Variants in BRINP1 observed in about 807,000 individuals in gnomAD.
BRINP1 encodes BMP/retinoic acid inducible neural specific 1, also known as BMP/retinoic acid-inducible neural-specific protein 1.
In BRINP1, 17 loss-of-function variants were observed where a neutral mutation model predicts 72.9. That is an observed-to-expected ratio of 0.23 (90% CI 0.16 to 0.35). The LOEUF (loss-of-function observed/expected upper bound fraction) is 0.35. BRINP1 is among the 10% of genes least tolerant of loss of function. The pLI is 1.00. For missense variants in BRINP1, 850 were observed against 1,001.6 expected, an observed-to-expected ratio of 0.85 and a Z score of 2.04; for synonymous variants, 418 against 378.5, an observed-to-expected ratio of 1.10 and a Z score of -1.21.
rs981692960 is a variant in BRINP1 at position 119,286,651 on chromosome 9, A to G, written c.218+26487T>C. On this transcript the variant is annotated intron_variant, in intron 2 of 7. Transcript: ENST00000265922. Reference sequence around the variant, plus strand: ...ATGAAATTTTGATGTAGCTGTGTAGACATAGCTGTGTAGACAAGATAATTG... The same window carrying G: ...ATGAAATTTTGATGTAGCTGTGTAGGCATAGCTGTGTAGACAAGATAATTG... Among the ~76,000 whole-genome samples, 41 of 152,234 alleles carry G rather than the reference A, an allele frequency of 2.7e-4. 1 individual carries two copies. The highest frequency in any genetic ancestry group is 1.9e-4 in the Non-Finnish European group (13 of 68,046).
intron 2 of BRINP1, among the ~76,000 whole-genome samples, chr9:119,266,862 C>T (rs1313153818): frequency 6.6e-6 from 1 of 152,166 alleles, no homozygotes; most frequent in Non-Finnish European, 1.5e-5. Flanking sequence ...AGGAGGACTT[C>T]AGATTTTGTA....
At chr9:119,194,276 A>C (rs555381554) in intron 7 of BRINP1, among the ~76,000 whole-genome samples, 1 of 152,292 alleles carries the variant, frequency 6.6e-6, no homozygotes, top group Non-Finnish European at 1.5e-5. Context: ...ACAGCAATAT[A>C]TATTCAGAAC....
intron 7 of BRINP1, among the ~76,000 whole-genome samples, chr9:119,175,119 TAAAA>T (rs35857917): frequency 1.6e-5 from 1 of 62,674 alleles, no homozygotes; most frequent in Non-Finnish European, 3.7e-5. Context: ...AAGTAAAGTA[TAAAA>T]AAAAAAAAAG....
chr9:119,299,870 T>A (rs907316187), intron 2 of BRINP1, among the ~76,000 whole-genome samples: 1 of 152,154 alleles, frequency 6.6e-6, no homozygotes, highest in Non-Finnish European at 1.5e-5. Context: ...AATGCAGATA[T>A]CCCAACTGCA....
intron 7 of BRINP1, among the ~76,000 whole-genome samples, chr9:119,177,746 G>A (rs560720699): frequency 6.6e-6 from 1 of 152,260 alleles, no homozygotes; most frequent in East Asian, 1.9e-4. Flanking sequence ...GCTGCAATAA[G>A]CAACGGGGCT....
rs573976308 is a variant in BRINP1 at position 119,259,128 on chromosome 9, CA to C, written c.219-9979del. ...CCATTGAGCACCTGGAAAGAGGATG[CA>C]AAACAGGTCCTTTCACAAAGACATT... On this transcript the variant is annotated intron_variant, in intron 2 of 7. Transcript: ENST00000265922. Among the ~76,000 whole-genome samples, 195 of 152,216 alleles carry C rather than the reference CA, an allele frequency of 1.3e-3. 1 individual carries two copies. Among genetic ancestry groups the C allele is most frequent in the South Asian group, 2.1e-3 (10 of 4,822 alleles).
At chr9:119,293,004 G>A (rs927322674) in intron 2 of BRINP1, among the ~76,000 whole-genome samples, 3 of 152,036 alleles carry the variant, frequency 2.0e-5, no homozygotes, top group Non-Finnish European at 2.9e-5. Flanking sequence ...ACTATATATC[G>A]GGCACTTTTT....
intron 7 of BRINP1, among the ~76,000 whole-genome samples, chr9:119,171,586 C>T (rs1400734457): frequency 1.4e-5 from 2 of 139,620 alleles, no homozygotes; most frequent in Non-Finnish European, 1.6e-5. Flanking sequence ...GACAGAAAGT[C>T]AACAAGGATA....
In BRINP1 at chr9:119,167,573, G is replaced by C; in HGVS notation, c.1797C>G (p.Asn599Lys). ...KIRLQNSQCY[N>K]WTLLLGNRWK... The stretch of plus-strand genomic sequence containing the variant: ...ACCGATTGCCCAGCAAAAGAGTCCA[G>C]TTGTAGCACTGGCTGTTTTGGAGAC... Residue 599 changes from asparagine (N) to lysine (K), a missense_variant, in exon 8 of 8, where the codon AAC (asparagine) becomes AAG (lysine). Asn to Lys is a moderately conservative substitution (Grantham distance 94). Transcript: ENST00000265922. This position sits in a 1 kb window ranked among gnomAD's most constrained non-coding sequence, Gnocchi z 4.3. 6.2e-7 allele frequency: 1 copy of C among 1,614,200 alleles called. No homozygotes were observed.
intron 7 of BRINP1, among the ~76,000 whole-genome samples, chr9:119,168,821 G>GTTAT (rs1285253050): frequency 6.6e-6 from 1 of 152,140 alleles, no homozygotes; most frequent in Non-Finnish European, 1.5e-5. Context: ...TTAGAAAGGG[G>GTTAT]TTATTTCCCA....
At chr9:119,233,943 A>T (rs951759305) in intron 5 of BRINP1, among the ~76,000 whole-genome samples, 35 of 152,278 alleles carry the variant, frequency 2.3e-4, no homozygotes, top group African/African-American at 8.4e-4. Flanking sequence ...TGTGTTTGTA[A>T]GATTCTTCCA....
At chr9:119,214,600 A>AAAAAAAAAAAC (rs1829959937) in intron 5 of BRINP1, among the ~76,000 whole-genome samples, 1 of 151,942 alleles carries the variant, frequency 6.6e-6, no homozygotes, top group African/African-American at 2.4e-5. Context: ...AAAAAAAAAA[A>AAAAAAAAAAAC]AGACACAATC....
intron 1 of BRINP1, among the ~76,000 whole-genome samples, chr9:119,320,481 T>C (rs188550430): frequency 1.2e-4 from 19 of 152,106 alleles, no homozygotes; most frequent in Admixed American, 3.3e-4. Context: ...TTTTGGTTAG[T>C]AGGGAGAGGG....
intron 5 of BRINP1, among the ~76,000 whole-genome samples, chr9:119,226,259 CTAAT>C: frequency 6.6e-6 from 1 of 152,124 alleles, no homozygotes; most frequent in East Asian, 1.9e-4. Flanking sequence ...AGTCAATAAA[CTAAT>C]TATCATGGGT....
At chr9:119,301,234 C>T (rs1336856634) in intron 2 of BRINP1, among the ~76,000 whole-genome samples, 1 of 152,198 alleles carries the variant, frequency 6.6e-6, no homozygotes, top group East Asian at 1.9e-4. Flanking sequence ...AAAGCACCAT[C>T]ACCCACCCAG....
chr9:119,314,638 C>T (rs1243381809), intron 1 of BRINP1, among the ~76,000 whole-genome samples: 1 of 152,164 alleles, frequency 6.6e-6, no homozygotes, highest in East Asian at 1.9e-4. Flanking sequence ...ACTCGCTTAA[C>T]TGTATGTGAC....
chr9:119,318,609 A>G (rs1831149904), intron 1 of BRINP1, among the ~76,000 whole-genome samples: 1 of 152,098 alleles, frequency 6.6e-6, no homozygotes, highest in Admixed American at 6.6e-5. Context: ...AGAGCCCCCA[A>G]GTGGCAAGCA....
intron 1 of BRINP1, among the ~76,000 whole-genome samples, chr9:119,315,204 G>T (rs992586460): frequency 9.9e-5 from 15 of 151,962 alleles, no homozygotes; most frequent in Non-Finnish European, 1.5e-4. Flanking sequence ...AAATATTAAA[G>T]TTTTAACAAA....
intron 1 of BRINP1, among the ~76,000 whole-genome samples, chr9:119,326,166 G>A (rs1008324589): frequency 7.9e-5 from 12 of 152,138 alleles, no homozygotes; most frequent in Non-Finnish European, 4.4e-5. Flanking sequence ...CCCTTTTAAA[G>A]TATCTGATTA....
Sources: allele counts gnomAD v4.1 joint callset (sites outside exome capture counted in the v4.1 genomes callset), GRCh38; gene constraint gnomAD v4.1.1; non-coding constraint Gnocchi (gnomAD v3.1); transcripts MANE v1.5; gene names NCBI Gene and HGNC (gene_info 2026-07-23, HGNC 2026-07-21).